MYO3B: variants seen among roughly 807,000 people sequenced by gnomAD.
The protein encoded by MYO3B is myosin-IIIb.
MYO3B carries 156 observed loss-of-function variants against 174.6 expected under a neutral mutation model. That is an observed-to-expected ratio of 0.89 (90% CI 0.78 to 1.02). The LOEUF (loss-of-function observed/expected upper bound fraction) is 1.02, where lower values mean the gene tolerates loss of function less well. Among genes scored for constraint, MYO3B ranks in the 50% least tolerant of loss-of-function variants. MYO3B has a pLI of 0.00. For missense variants in MYO3B, 1,632 were observed against 1,639.4 expected, an observed-to-expected ratio of 1.00 and a Z score of 0.08; for synonymous variants, 563 against 569.1, an observed-to-expected ratio of 0.99 and a Z score of 0.15.
At chr2:170,529,732 G>A (rs1575121735) in intron 30 of MYO3B, among the ~76,000 whole-genome samples, 1 of 152,030 alleles carries the variant, frequency 6.6e-6, no homozygotes, top group Admixed American at 6.6e-5. Context: ...GTTTGAGAAA[G>A]GAAAATGGAC....
At chr2:170,306,159 G>A (rs1381358571) in intron 7 of MYO3B, among the ~76,000 whole-genome samples, 1 of 152,176 alleles carries the variant, frequency 6.6e-6, no homozygotes, top group African/African-American at 2.4e-5. Context: ...CAGCGGGATA[G>A]TTGGACTTAC....
intron 7 of MYO3B, among the ~76,000 whole-genome samples, chr2:170,317,215 C>T (rs1194297687): frequency 1.3e-5 from 2 of 152,130 alleles, no homozygotes; most frequent in African/African-American, 4.8e-5. Context: ...AATAGTCCCC[C>T]ACTGGATGCA....
chr2:170,296,804 A>G (rs28602253), intron 7 of MYO3B, among the ~76,000 whole-genome samples: 19,627 of 152,166 alleles, frequency 0.13, 1,501 homozygotes, highest in Admixed American at 0.24. Context: ...AAAACTTACA[A>G]TCATGGTGGA....
At chr2:170,489,937 G>A (rs1686350327) in intron 25 of MYO3B, among the ~76,000 whole-genome samples, 1 of 151,342 alleles carries the variant, frequency 6.6e-6, no homozygotes, top group Admixed American at 6.6e-5. Context: ...AGTTTTCAAT[G>A]TACAGGTTTT....
rs574487856 is a variant in MYO3B at position 170,572,607 on chromosome 2, C to CAAA, written c.3733+28634_3733+28636dup. Among the ~76,000 whole-genome samples the CAAA allele has an allele frequency of 4.1e-4, 51 of 123,986 alleles. No homozygotes were observed. In the East Asian group the frequency reaches 5.1e-3, roughly 12 times the overall value. The allele number at this position is 123,986 out of a possible 152,430, so 81.3% of individuals were successfully genotyped here. ...TCCAGCCTGGGCAATGACCCTATAT[C>CAAA]AAAAAAAAAAAAAAAAAGGTAAGGA... On this transcript the variant is annotated intron_variant, in intron 32 of 34. Transcript: ENST00000408978.
intron 6 of MYO3B, 108 bp from the exon 7 acceptor site, chr2:170,235,883 A>G: frequency 7.5e-7 from 1 of 1,333,720 alleles, no homozygotes; most frequent in Non-Finnish European, 1.1e-6. Flanking sequence ...ATTCAATATC[A>G]TCGTGGCCAA....
intron 3 of MYO3B, among the ~76,000 whole-genome samples, chr2:170,205,696 C>A (rs1409732175): frequency 1.3e-5 from 2 of 152,126 alleles, no homozygotes; most frequent in Non-Finnish European, 2.9e-5. Context: ...CTCATGACTT[C>A]TTGACCCTGC....
chr2:170,426,616 G>A (rs1166612989), intron 22 of MYO3B, among the ~76,000 whole-genome samples: 1 of 152,028 alleles, frequency 6.6e-6, no homozygotes, highest in Admixed American at 6.5e-5. Context: ...CTAGTTCATT[G>A]TAACTTTTTC....
At chr2:170,478,492 G>T (rs1361083411) in intron 25 of MYO3B, among the ~76,000 whole-genome samples, 6 of 150,060 alleles carry the variant, frequency 4.0e-5, no homozygotes, top group African/African-American at 1.2e-4. Context: ...TAATTCCGTG[G>T]CCATGGAGAA....
intron 32 of MYO3B, among the ~76,000 whole-genome samples, chr2:170,621,546 T>C (rs1358945169): frequency 6.6e-6 from 1 of 151,230 alleles, no homozygotes; most frequent in African/African-American, 2.4e-5. Flanking sequence ...AGTCTCACTC[T>C]GTGCCCAGGC....
intron 15 of MYO3B, 126 bp from the exon 16 acceptor site, chr2:170,392,255 T>G: frequency 1.8e-6 from 1 of 561,582 alleles, no homozygotes; most frequent in East Asian, 3.1e-5. Flanking sequence ...ATCACACCAC[T>G]GCACTTCAGG....
At position 170,477,645 on chromosome 2, in the gene MYO3B, G is replaced by A. The variant is rs948479938; in HGVS notation, c.3014+10934G>A. Among the ~76,000 whole-genome samples, 8 of 151,234 alleles carry A rather than the reference G, an allele frequency of 5.3e-5. No individual in the cohort carries two copies. In the Admixed American group the frequency reaches 5.3e-4, roughly 10 times the overall value. Reference sequence around the variant, plus strand: ...GACATTTTGGACCAGATAATTCTTTGTTGCGAGCTGTCCTGTGCCTTATAA... The same window carrying A: ...GACATTTTGGACCAGATAATTCTTTATTGCGAGCTGTCCTGTGCCTTATAA... On this transcript the variant is annotated intron_variant, in intron 25 of 34. Coordinates refer to ENST00000408978, the MANE Select transcript of MYO3B (RefSeq NM_138995.5).
At chr2:170,231,620 T>C (rs548198342) in intron 6 of MYO3B, among the ~76,000 whole-genome samples, 1 of 152,230 alleles carries the variant, frequency 6.6e-6, no homozygotes, top group Non-Finnish European at 1.5e-5. Context: ...TTCCAAACAA[T>C]TGCTCTGTCG....
At chr2:170,505,625 A>T (rs1018280661) in intron 28 of MYO3B, among the ~76,000 whole-genome samples, 3 of 152,264 alleles carry the variant, frequency 2.0e-5, no homozygotes, top group African/African-American at 7.2e-5. Flanking sequence ...AGGGAACTTT[A>T]TTAAAGACCT....
intron 32 of MYO3B, among the ~76,000 whole-genome samples, chr2:170,624,278 A>G (rs557524945): frequency 6.6e-6 from 1 of 152,188 alleles, no homozygotes; most frequent in Non-Finnish European, 1.5e-5. Context: ...CTCCTTGAAG[A>G]GATCCTTCAC....
Position 170,514,930 on chromosome 2 carries a change from C to T in MYO3B, c.3380C>T (p.Ser1127Leu), listed in dbSNP as rs755743678. 1 of 1,613,782 alleles carries T rather than the reference C, an allele frequency of 6.2e-7. No individual in the cohort carries two copies. The highest frequency in any genetic ancestry group is 2.2e-5 in the East Asian group (1 of 44,876). Residue 1127 changes from serine (S) to leucine (L), a missense_variant, in exon 29 of 35, where the codon TCA (serine) becomes TTA (leucine). Transcript: ENST00000408978. ...TTGTTTCATTCCACAGGGGACACTTCAAACCAAAGCAGTGGGCCACATTCC... is the reference window on the plus strand; with the variant it reads ...TTGTTTCATTCCACAGGGGACACTTTAAACCAAAGCAGTGGGCCACATTCC... ...SAAHNQAGDT[S>L]NQSSGPHSPV...
intron 7 of MYO3B, among the ~76,000 whole-genome samples, chr2:170,309,950 C>T (rs1472100144): frequency 6.6e-6 from 1 of 152,202 alleles, no homozygotes; most frequent in Admixed American, 6.5e-5. Context: ...TGGTAACTAT[C>T]AATCTGCATT....
chr2:170,182,153 C>T (rs2092408417), intron 1 of MYO3B, among the ~76,000 whole-genome samples: 1 of 151,852 alleles, frequency 6.6e-6, no homozygotes, highest in Non-Finnish European at 1.5e-5. Context: ...TACTTGTATG[C>T]AATTATGTTT....
At chr2:170,548,106 CAAAAAAAAAAAAAAAA>C (rs10532249) in intron 32 of MYO3B, among the ~76,000 whole-genome samples, 2 of 51,718 alleles carry the variant, frequency 3.9e-5, no homozygotes, top group African/African-American at 2.0e-4. Flanking sequence ...GACTCCGTCT[CAAAAAAAAAAAAAAAA>C]AAAAAAAAAA....
Sources: gnomAD v4.1 joint callset for allele counts (sites outside exome capture counted in the v4.1 genomes callset) on GRCh38, gnomAD v4.1.1 for gene constraint, MANE v1.5 for transcripts, NCBI Gene and HGNC (gene_info 2026-07-23, HGNC 2026-07-21) for gene names.